ARIH1: variants seen among roughly 807,000 people sequenced by gnomAD.
ARIH1 encodes the protein ariadne RBR E3 ubiquitin protein ligase 1, also known as E3 ubiquitin-protein ligase ARIH1.
Under a neutral mutation model 85.0 loss-of-function variants are expected in ARIH1, and 8 were observed. That is an observed-to-expected ratio of 0.09 (90% CI 0.06 to 0.17). The LOEUF is 0.17. ARIH1 is among the 10% of genes least tolerant of loss of function. ARIH1 has a pLI of 1.00. For missense variants in ARIH1, 311 were observed against 718.1 expected, an observed-to-expected ratio of 0.43 and a Z score of 6.48; for synonymous variants, 238 against 253.6, an observed-to-expected ratio of 0.94 and a Z score of 0.59.
intron 1 of ARIH1, among the ~76,000 whole-genome samples, chr15:72,477,221 T>C (rs2063798344): frequency 6.6e-6 from 1 of 152,236 alleles, no homozygotes; most frequent in South Asian, 2.1e-4. Flanking sequence ...TTTTTTAAAT[T>C]GCCCCTCGCT....
At chr15:72,554,465 A>C (rs548773575) in intron 3 of ARIH1, among the ~76,000 whole-genome samples, 1 of 152,246 alleles carries the variant, frequency 6.6e-6, no homozygotes, top group East Asian at 1.9e-4. Context: ...AGCTCACTGT[A>C]GCCTTGACCT....
chr15:72,503,659 C>G (rs1333326636), intron 1 of ARIH1, among the ~76,000 whole-genome samples: 1 of 152,170 alleles, frequency 6.6e-6, no homozygotes, highest in Non-Finnish European at 1.5e-5. Context: ...CAAGAGCATC[C>G]TTTGGTGACA....
chr15:72,583,129 C>T (rs1423431355), intron 13 of ARIH1, 79 bp from the exon 14 acceptor site: 2 of 1,105,164 alleles, frequency 1.8e-6, no homozygotes, highest in East Asian at 4.8e-5. Context: ...TATAGGGATG[C>T]CTTAAAAATA....
In ARIH1 at chr15:72,594,811, CTTTTTTTTTTTT is replaced by C. The variant is rs71137306; in HGVS notation, c.*11535_*11546del. ...TTTTTCTGATTTTATGCCTTTTCTTCTTTTTTTTTTTTTTTTTTTTTTTTTTTGTCTTTCTCC... is the reference window on the plus strand; with the variant it reads ...TTTTTCTGATTTTATGCCTTTTCTTCTTTTTTTTTTTTTTTGTCTTTCTCC... On this transcript the variant is annotated 3_prime_UTR_variant, in exon 14 of 14. Transcript: ENST00000379887. The C allele has an allele frequency of 4.0e-4, 32 of 79,626 alleles. No homozygotes were observed. Among genetic ancestry groups the C allele is most frequent in the Middle Eastern group, 0.016 (1 of 62 alleles). 4.9% of individuals were successfully genotyped at this position (79,626 alleles called of 1,614,324 possible).
At chr15:72,537,232 T>C (rs1271123133) in intron 2 of ARIH1, among the ~76,000 whole-genome samples, 2 of 152,182 alleles carry the variant, frequency 1.3e-5, no homozygotes, top group Non-Finnish European at 2.9e-5. Flanking sequence ...TAGAGGTATG[T>C]AGTTATGCCA....
chr15:72,494,173 A>T (rs551403969), intron 1 of ARIH1, among the ~76,000 whole-genome samples: 1 of 152,216 alleles, frequency 6.6e-6, no homozygotes, highest in Non-Finnish European at 1.5e-5. Flanking sequence ...TAAATTGAGT[A>T]CTTGATTTAT....
intron 1 of ARIH1, among the ~76,000 whole-genome samples, chr15:72,500,389 C>CTTTA (rs1297486252): frequency 6.6e-6 from 1 of 152,016 alleles, no homozygotes; most frequent in South Asian, 2.1e-4. Context: ...CACTTTATGA[C>CTTTA]TTTATTTATT....
At chr15:72,534,959 C>CTTTTTTTTTTTTTTTCTTTT (rs59841210) in intron 2 of ARIH1, among the ~76,000 whole-genome samples, 1 of 73,806 alleles carries the variant, frequency 1.4e-5, no homozygotes, top group Non-Finnish European at 3.5e-5. Flanking sequence ...TGTCTGTATT[C>CTTTTTTTTTTTTTTTCTTTT]TTTTTTTTTT....
In ARIH1 at chr15:72,583,325, T is replaced by C; in HGVS notation, c.*33T>C. ...CCTGCATAAAATGAACTCTGAAAAC[T>C]TTACCATCTAGAGTGCTCATGCAAT... On this transcript the variant is annotated 3_prime_UTR_variant, in exon 14 of 14. Transcript: ENST00000379887. 1 of 1,567,554 alleles carries C rather than the reference T, an allele frequency of 6.4e-7. No homozygotes were observed. The highest frequency in any genetic ancestry group is 1.1e-5 in the South Asian group (1 of 88,984).
At chr15:72,546,933 G>T (rs560612913) in intron 3 of ARIH1, among the ~76,000 whole-genome samples, 1 of 43,098 alleles carries the variant, frequency 2.3e-5, no homozygotes, top group East Asian at 8.7e-4. Context: ...TTTTTTTTTG[G>T]AGGGGGGGGG....
intron 2 of ARIH1, among the ~76,000 whole-genome samples, chr15:72,537,033 T>TCTCTAAAAA: frequency 6.6e-6 from 1 of 152,286 alleles, no homozygotes; most frequent in African/African-American, 2.4e-5. Flanking sequence ...TTTTAGAGAT[T>TCTCTAAAAA]AGCTTAAGAA....
intron 2 of ARIH1, among the ~76,000 whole-genome samples, chr15:72,536,885 T>G (rs1352889796): frequency 2.6e-5 from 4 of 152,150 alleles, no homozygotes; most frequent in African/African-American, 9.7e-5. Flanking sequence ...TAGGTTTTAT[T>G]TTATTATAAT....
rs570610721 is a variant in ARIH1, at chr15:72,544,175, TTCC to T, written c.444-637_444-635del. The stretch of plus-strand genomic sequence containing the variant: ...TTTGAAGATACACTTCTTTGTTTTA[TTCC>T]TCCTCCTTTCTCAGTAAATTAAAAA... On this transcript the variant is annotated intron_variant, in intron 2 of 13. Coordinates refer to ENST00000379887, the MANE Select transcript of ARIH1 (RefSeq NM_005744.5). 1.5e-4 allele frequency among the ~76,000 whole-genome samples: 23 copies of T among 152,276 alleles called. No individual in the cohort carries two copies. In the East Asian group the frequency reaches 3.3e-3, roughly 22 times the overall value.
chr15:72,488,619 T>C (rs890082375), intron 1 of ARIH1, among the ~76,000 whole-genome samples: 2 of 152,224 alleles, frequency 1.3e-5, no homozygotes, highest in Admixed American at 1.3e-4. Flanking sequence ...TTCATCTTTG[T>C]GTTCATAGCA....
chr15:72,578,105 G>A (rs1051074984), intron 11 of ARIH1, among the ~76,000 whole-genome samples: 5 of 152,242 alleles, frequency 3.3e-5, no homozygotes, highest in African/African-American at 9.6e-5. Context: ...TCCATCAAGT[G>A]GTCTTTTAAT....
At chr15:72,494,994 C>G (rs142548401) in intron 1 of ARIH1, among the ~76,000 whole-genome samples, 91 of 152,278 alleles carry the variant, frequency 6.0e-4, no homozygotes, top group Middle Eastern at 3.4e-3. Flanking sequence ...CTTTAAGCAA[C>G]TTTCATTTAA....
intron 11 of ARIH1, among the ~76,000 whole-genome samples, chr15:72,579,414 T>G (rs1394095574): frequency 2.0e-5 from 3 of 152,246 alleles, no homozygotes; most frequent in Admixed American, 2.0e-4. Flanking sequence ...ATACTTTCTA[T>G]TGTATTATAT....
rs1009074456 is a variant in ARIH1, at chr15:72,566,706, A to G, written c.954+101A>G. ...GATTTTGTTATCTATCTATTGATAG[A>G]TTTTTTTTTATCCTTTTAATTTCAG... On this transcript the variant is annotated intron_variant, in intron 8 of 13. Coordinates refer to ENST00000379887, the MANE Select transcript of ARIH1 (RefSeq NM_005744.5). 4 of 761,246 alleles carry G rather than the reference A, an allele frequency of 5.3e-6. No individual in the cohort carries two copies. In the African/African-American group the frequency reaches 6.7e-5, roughly 13 times the overall value. 47.2% of individuals were successfully genotyped at this position (761,246 alleles called of 1,614,324 possible).
chr15:72,505,848 T>C (rs1399092345), intron 1 of ARIH1, among the ~76,000 whole-genome samples: 2 of 152,048 alleles, frequency 1.3e-5, no homozygotes, highest in Admixed American at 6.6e-5. Flanking sequence ...CAGTTCTCCT[T>C]CTTCAGCCTC....
Sources: allele counts gnomAD v4.1 joint callset (sites outside exome capture counted in the v4.1 genomes callset), GRCh38; gene constraint gnomAD v4.1.1; transcripts MANE v1.5; gene names NCBI Gene and HGNC (gene_info 2026-07-23, HGNC 2026-07-21).